The following ABCA12 variants were observed in gnomAD, a reference collection of about 807,000 sequenced individuals.
The protein encoded by ABCA12 is ATP binding cassette subfamily A member 12, also known as glucosylceramide transporter ABCA12.
Under a neutral mutation model 293.5 loss-of-function variants are expected in ABCA12, and 156 were observed. The observed-to-expected ratio is 0.53, with a 90% CI of 0.47 to 0.61. The LOEUF (loss-of-function observed/expected upper bound fraction) is 0.61, where lower values mean the gene tolerates loss of function less well. ABCA12 is among the 20% of genes least tolerant of loss of function. The probability of loss-of-function intolerance (pLI) is 0.00; values close to 1 mark genes in which losing one functional copy is unlikely to be tolerated. For synonymous variants in ABCA12, 1,063 were observed against 1,108.0 expected, an observed-to-expected ratio of 0.96 and a Z score of 0.81; for missense variants, 2,797 against 3,090.2, an observed-to-expected ratio of 0.91 and a Z score of 2.25.
intron 22 of ABCA12, among the ~76,000 whole-genome samples, chr2:214,998,378 G>A (rs1021499414): frequency 7.9e-5 from 12 of 152,092 alleles, no homozygotes; most frequent in African/African-American, 2.7e-4. Flanking sequence ...GGCTGGTCTC[G>A]AATTCCTGGC....
Position 215,019,796 on chromosome 2 carries a change from G to A in ABCA12, c.1288C>T (p.Leu430=). 1.2e-6 allele frequency: 2 copies of A among 1,610,636 alleles called. No homozygotes were observed. The highest frequency in any genetic ancestry group is 1.7e-4 in the Middle Eastern group (1 of 5,720). Residue 430 remains leucine, a splice_region_variant and synonymous_variant, in exon 12 of 53, where the codon CTG becomes TTG. Coordinates refer to ENST00000272895, the MANE Select transcript of ABCA12 (RefSeq NM_173076.3). ...PPVPEVLKSK[L]SQLRNLTELL... is the part of the protein sequence containing the mutation. The stretch of plus-strand genomic sequence containing the variant: ...TCGGTCAAGTTTCGAAGTTGAGACA[G>A]CTTTCCAAAAAGGGAAAAGAGTGGG...
chr2:215,036,162 A>C (rs538516907), intron 8 of ABCA12, among the ~76,000 whole-genome samples: 1 of 152,334 alleles, frequency 6.6e-6, no homozygotes, highest in Non-Finnish European at 1.5e-5. Flanking sequence ...AGACTAACAG[A>C]AAATGGCATC....
chr2:215,000,907 G>C lies in ABCA12; in HGVS notation c.2977C>G (p.Gln993Glu). The C allele has an allele frequency of 6.2e-7, 1 of 1,614,124 alleles. No homozygotes were observed. The highest frequency in any genetic ancestry group is 8.5e-7 in the Non-Finnish European group (1 of 1,179,982). Residue 993 changes from glutamine to glutamate, a missense_variant, in exon 22 of 53, where the codon CAG (glutamine) becomes GAG (glutamate). By Grantham distance (29) the Gln-to-Glu change is conservative (BLOSUM62 2). This residue lies in a region of ABCA12 where 2,130 missense variants were observed against 2,427.0 expected (regional missense o/e 0.88). Coordinates refer to ENST00000272895, the MANE Select transcript of ABCA12 (RefSeq NM_173076.3). ...YTIRMSLKTA[Q>E]TTRSLRTKIW... is the part of the protein sequence containing the mutation. ...TTGGTTCTTAGGCTTCTTGTGGTCT[G>C]TGCGGTCTTGAGACTCATCCGGATG...
intron 38 of ABCA12, 39 bp downstream of exon 38, chr2:214,968,681 T>C (rs1416909464): frequency 1.3e-6 from 2 of 1,573,850 alleles, no homozygotes; most frequent in Non-Finnish European, 1.7e-6. Context: ...TTTCACCTTC[T>C]CATTTGTATA....
Position 214,997,681 on chromosome 2 carries a change from G to T in ABCA12, c.3294+14C>A. 1 of 1,548,484 alleles carries T rather than the reference G, an allele frequency of 6.5e-7. No homozygotes were observed. The highest frequency in any genetic ancestry group is 8.9e-7 in the Non-Finnish European group (1 of 1,121,010). On this transcript the variant is annotated intron_variant, in intron 23 of 52. Coordinates refer to ENST00000272895, the MANE Select transcript of ABCA12 (RefSeq NM_173076.3). The stretch of plus-strand genomic sequence containing the variant: ...ACAGGACTTATTCATAACAAGAAGT[G>T]ATTTTCAACATACCTCATGAAGCCG...
intron 19 of ABCA12, among the ~76,000 whole-genome samples, chr2:215,005,685 A>G (rs1179122901): frequency 6.6e-6 from 1 of 152,140 alleles, no homozygotes; most frequent in Non-Finnish European, 1.5e-5. Context: ...CCCTATTTCA[A>G]TTCTCCCATC....
chr2:215,049,533 A>C (rs2106053801), intron 6 of ABCA12, 93 bp downstream of exon 6: 2 of 1,279,876 alleles, frequency 1.6e-6, no homozygotes, highest in East Asian at 4.7e-5. Flanking sequence ...AGGTAAACAA[A>C]TATCCCAGTC....
intron 15 of ABCA12, among the ~76,000 whole-genome samples, chr2:215,015,077 A>G (rs1170391928): frequency 1.3e-5 from 2 of 152,068 alleles, no homozygotes; most frequent in African/African-American, 4.8e-5. Flanking sequence ...TTTTTAAAGA[A>G]CGCCAAAAAA....
chr2:214,948,800 ATGCTGGGAAGGTAGCTC>A, intron 46 of ABCA12, 63 bp from the exon 47 acceptor site: 1 of 1,596,386 alleles, frequency 6.3e-7, no homozygotes, highest in East Asian at 2.2e-5. Context: ...TGGTTCCCAA[ATGCTGGGAAGGTAGCTC>A]TATTTTGGTC....
chr2:214,968,170 G>T (rs965969385), intron 38 of ABCA12, among the ~76,000 whole-genome samples: 3 of 152,000 alleles, frequency 2.0e-5, no homozygotes, highest in African/African-American at 7.2e-5. Flanking sequence ...AACTATACAC[G>T]GGTTGAGAAA....
intron 2 of ABCA12, among the ~76,000 whole-genome samples, chr2:215,100,362 T>C (rs1179617157): frequency 1.3e-5 from 2 of 152,150 alleles, no homozygotes; most frequent in Non-Finnish European, 2.9e-5. Context: ...CTTCCTCTTG[T>C]TGCATATTCA....
chr2:215,088,514 C>T (rs778839498), intron 2 of ABCA12, among the ~76,000 whole-genome samples: 1 of 152,094 alleles, frequency 6.6e-6, no homozygotes, highest in Non-Finnish European at 1.5e-5. Context: ...ACCCACATTT[C>T]CTTGATTATT....
intron 2 of ABCA12, among the ~76,000 whole-genome samples, chr2:215,100,590 C>T (rs1265666927): frequency 1.3e-5 from 2 of 152,022 alleles, no homozygotes; most frequent in African/African-American, 2.4e-5. Flanking sequence ...CTATATTTAA[C>T]ACTTTTACTT....
chr2:215,036,767 C>T (rs1701003502), intron 8 of ABCA12, among the ~76,000 whole-genome samples, 186 bp downstream of exon 8: 2 of 152,042 alleles, frequency 1.3e-5, no homozygotes, highest in South Asian at 4.2e-4. Context: ...GCCACAGTTC[C>T]CTCTTCTTGG....
intron 1 of ABCA12, among the ~76,000 whole-genome samples, chr2:215,111,971 TA>T (rs1286436759): frequency 1.3e-5 from 2 of 152,194 alleles, no homozygotes; most frequent in Non-Finnish European, 2.9e-5. Flanking sequence ...ATCATTATAT[TA>T]AAATTAACCC....
At chr2:215,077,377 T>C (rs1163089226) in intron 2 of ABCA12, among the ~76,000 whole-genome samples, 2 of 152,230 alleles carry the variant, frequency 1.3e-5, no homozygotes, top group Admixed American at 6.5e-5. Flanking sequence ...TTTATAACAA[T>C]GCTCTCTGAG....
chr2:215,010,065 A>C (rs929668965), intron 18 of ABCA12, among the ~76,000 whole-genome samples: 7 of 152,176 alleles, frequency 4.6e-5, no homozygotes, highest in African/African-American at 1.7e-4. Flanking sequence ...AGATAAATGG[A>C]AAAATCTGAG....
At chr2:215,022,425 T>C (rs1700650676) in intron 11 of ABCA12, 1 of 152,212 alleles carries the variant, frequency 6.6e-6, no homozygotes, top group Non-Finnish European at 1.5e-5. Flanking sequence ...AACATTATGG[T>C]CATTTTGTCT....
At position 215,093,018 on chromosome 2, in the gene ABCA12, G is replaced by A. The variant is rs367632633; in HGVS notation, c.163+18579C>T. 5.3e-5 allele frequency among the ~76,000 whole-genome samples: 8 copies of A among 149,652 alleles called. No homozygotes were observed. In the East Asian group the frequency reaches 7.9e-4, roughly 15 times the overall value. On this transcript the variant is annotated intron_variant, in intron 2 of 52. Transcript: ENST00000272895. ...CATGATTTACTTTCTTTCCATCCAT[G>A]TGCTTCTCACCTATTCAATATTTTG...
Sources: gnomAD v4.1 joint callset for allele counts (sites outside exome capture counted in the v4.1 genomes callset) on GRCh38, gnomAD v4.1.1 for gene constraint, gnomAD v4.1.1 regional missense constraint, MANE v1.5 for transcripts, NCBI Gene and HGNC (gene_info 2026-07-23, HGNC 2026-07-21) for gene names.